FOLH1: variants seen among roughly 807,000 people sequenced by gnomAD.
FOLH1 encodes the protein folate hydrolase 1.
Under a neutral mutation model 93.9 loss-of-function variants are expected in FOLH1, and 54 were observed. The observed-to-expected ratio is 0.57, with a 90% CI of 0.46 to 0.72. The LOEUF is 0.72. FOLH1 is among the 30% of genes least tolerant of loss of function. The pLI is 0.00. For missense variants in FOLH1, 571 were observed against 892.5 expected, an observed-to-expected ratio of 0.64 and a Z score of 4.59; for synonymous variants, 249 against 303.6, an observed-to-expected ratio of 0.82 and a Z score of 1.87.
chr11:49,174,035 A>T (rs1004058179), intron 9 of FOLH1, among the ~76,000 whole-genome samples: 1 of 152,142 alleles, frequency 6.6e-6, no homozygotes, highest in African/African-American at 2.4e-5. Context: ...TAAAGCATTG[A>T]TCACCCTTAA....
At position 49,192,980 on chromosome 11, in the gene FOLH1, T is replaced by A. The variant is rs539392299; in HGVS notation, c.412-86A>T. ...ACACAAAAAAAATGAATATTATCTT[T>A]TATGTCAGTAGAGGGTGAATGAATC... is the stretch of plus-strand genomic sequence containing the variant. On this transcript the variant is annotated intron_variant, in intron 3 of 18. Transcript: ENST00000256999. The A allele has an allele frequency of 1.4e-4, 170 of 1,175,174 alleles. No homozygotes were observed. In the African/African-American group the frequency reaches 2.5e-3, roughly 17 times the overall value. 72.8% of individuals were successfully genotyped at this position (1,175,174 alleles called of 1,614,324 possible). A position where few individuals can be genotyped will look rare whatever the true frequency, so the allele number is the denominator to read the frequency against.
chr11:49,159,182 T>C (rs1427472765), intron 13 of FOLH1, among the ~76,000 whole-genome samples: 2 of 152,178 alleles, frequency 1.3e-5, no homozygotes, highest in African/African-American at 4.8e-5. Flanking sequence ...ATAGGAGTGA[T>C]TAGAGAAGAA....
chr11:49,175,395 T>C (rs3974729), intron 8 of FOLH1, among the ~76,000 whole-genome samples: 60,294 of 152,012 alleles, frequency 0.4, 14,495 homozygotes, highest in Admixed American at 0.53. Flanking sequence ...TAAAGTGATA[T>C]GCCTCAGTCT....
In FOLH1 at chr11:49,173,449, C is replaced by T. The variant is rs199982130; in HGVS notation, c.1133G>A (p.Arg378Gln). 33 of 1,602,572 alleles carry T rather than the reference C, an allele frequency of 2.1e-5. No homozygotes were observed. Among genetic ancestry groups the T allele is most frequent in the Non-Finnish European group, 2.6e-5 (31 of 1,173,212 alleles). The change falls in exon 10 of 19, where the codon CGG becomes CAG. Residue 378 changes from arginine (R) to glutamine (Q), a missense_variant. This residue lies in a region of FOLH1 where 500 missense variants were observed against 822.9 expected (regional missense o/e 0.61). Coordinates refer to ENST00000256999, the MANE Select transcript of FOLH1 (RefSeq NM_004476.3). The part of the protein sequence containing the change: ...PDRYVILGGH[R>Q]DSWVFGGIDP... ...AATACCACCAAACACCCATGAGTCC[C>T]GGTGACCTCCCAGAATGACATATCT...
chr11:49,168,486 C>T (rs1488371756), intron 12 of FOLH1, among the ~76,000 whole-genome samples: 1 of 152,140 alleles, frequency 6.6e-6, no homozygotes, highest in African/African-American at 2.4e-5. Context: ...TGCCTATTCC[C>T]TTTCTCAAGC....
intron 1 of FOLH1, chr11:49,206,756 C>T (rs561101998): frequency 1.3e-6 from 2 of 1,535,606 alleles, no homozygotes; most frequent in Admixed American, 3.9e-5. Context: ...GTTCAGACAG[C>T]TACAATGAAA....
chr11:49,181,335 C>G (rs1471554347), intron 7 of FOLH1, among the ~76,000 whole-genome samples: 4 of 151,976 alleles, frequency 2.6e-5, no homozygotes, highest in Non-Finnish European at 5.9e-5. Context: ...TGGTCCCCAT[C>G]TCTTGACCTC....
intron 7 of FOLH1, among the ~76,000 whole-genome samples, chr11:49,179,837 A>G: frequency 6.6e-6 from 1 of 152,242 alleles, no homozygotes; most frequent in East Asian, 1.9e-4. Context: ...CATTAGTTAA[A>G]CTGACCAAGT....
chr11:49,169,253 A>G lies in FOLH1; in HGVS notation c.1314T>C (p.Asn438=), dbSNP rs1452880036. 1.9e-6 allele frequency: 3 copies of G among 1,612,942 alleles called. No individual in the cohort carries two copies. The African/African-American group carries it at 4.0e-5, about 22-fold the overall frequency. ...LLGSTEWAEE[N]SRLLQERGVA... ...CGCCACGCTCTTGAAGGAGTCTTGA[A>G]TTCTCCTATAATAAAAAGGAAAACT... The change falls in exon 12 of 19, where the codon AAT becomes AAC. Residue 438 remains asparagine (N), a synonymous_variant. Transcript: ENST00000256999.
chr11:49,148,591 A>G (rs750062922), intron 18 of FOLH1, 48 bp downstream of exon 18: 60 of 1,357,478 alleles, frequency 4.4e-5, no homozygotes, highest in Non-Finnish European at 5.7e-5. Context: ...AAAAATAATT[A>G]GAAGAAAAAG....
intron 7 of FOLH1, 116 bp downstream of exon 7, chr11:49,183,033 G>A: frequency 1.3e-6 from 1 of 787,432 alleles, no homozygotes; most frequent in South Asian, 2.1e-5. Flanking sequence ...AAAATTACAA[G>A]CAACACCCAT....
chr11:49,147,209 T>C (rs755576704), intron 18 of FOLH1, among the ~76,000 whole-genome samples: 7 of 152,190 alleles, frequency 4.6e-5, no homozygotes, highest in Non-Finnish European at 8.8e-5. Context: ...GCAATCATTC[T>C]TGGTATTTAA....
intron 7 of FOLH1, among the ~76,000 whole-genome samples, chr11:49,178,244 A>G (rs1207980278): frequency 6.6e-6 from 1 of 152,166 alleles, no homozygotes; most frequent in African/African-American, 2.4e-5. Flanking sequence ...AACCCTCTGC[A>G]TTTTGCAGTG....
intron 3 of FOLH1, among the ~76,000 whole-genome samples, chr11:49,199,834 A>G (rs951877511): frequency 1.3e-5 from 2 of 151,822 alleles, no homozygotes; most frequent in Admixed American, 1.3e-4. Context: ...TCCCTTGAAC[A>G]TGGGAGGTGG....
intron 2 of FOLH1, among the ~76,000 whole-genome samples, chr11:49,204,364 C>A (rs994050473): frequency 4.6e-5 from 7 of 152,156 alleles, no homozygotes; most frequent in African/African-American, 1.7e-4. Flanking sequence ...CAGTTGAATT[C>A]TTTCTTCTGA....
At chr11:49,174,526 A>G (rs1305485727) in intron 9 of FOLH1, among the ~76,000 whole-genome samples, 1 of 152,146 alleles carries the variant, frequency 6.6e-6, no homozygotes, top group African/African-American at 2.4e-5. Context: ...TTTTATATAG[A>G]TGTTTATAGT....
At chr11:49,157,283 G>T (rs1231279476) in intron 14 of FOLH1, among the ~76,000 whole-genome samples, 1 of 151,808 alleles carries the variant, frequency 6.6e-6, no homozygotes, top group Non-Finnish European at 1.5e-5. Context: ...ATTGCAATAA[G>T]CAAAATATTT....
At chr11:49,208,014 C>A in intron 1 of FOLH1, 1 of 655,148 alleles carries the variant, frequency 1.5e-6, no homozygotes. Context: ...AGGGCTCCAG[C>A]ACTTGGAACC....
At position 49,208,396 on chromosome 11, in the gene FOLH1, A is replaced by C. The variant is rs1029027526; in HGVS notation, c.14T>G (p.Leu5Arg). The C allele has an allele frequency of 6.3e-7, 1 of 1,588,570 alleles. No individual in the cohort carries two copies. Among genetic ancestry groups the C allele is most frequent in the African/African-American group, 1.6e-5 (1 of 63,412 alleles). The stretch of plus-strand genomic sequence containing the variant: ...GGCCACAGCCGAGTCGGTTTCGTGA[A>C]GGAGATTCCACATCTCGGCGCGAGC... MWNL[L>R]HETDSAVATA... The change falls in exon 1 of 19, where the codon CTT becomes CGT. Residue 5 changes from leucine to arginine, a missense_variant. This residue lies in a region of FOLH1 where 71 missense variants were observed against 69.6 expected (regional missense o/e 1.02). Coordinates refer to ENST00000256999, the MANE Select transcript of FOLH1 (RefSeq NM_004476.3).
Sources: gnomAD v4.1 joint callset for allele counts (sites outside exome capture counted in the v4.1 genomes callset) on GRCh38, gnomAD v4.1.1 for gene constraint, gnomAD v4.1.1 regional missense constraint, MANE v1.5 for transcripts, NCBI Gene and HGNC (gene_info 2026-07-23, HGNC 2026-07-21) for gene names.